Variants in PIP5K1C observed in about 807,000 individuals in gnomAD.
The protein encoded by PIP5K1C is phosphatidylinositol 4-phosphate 5-kinase type-1 gamma.
PIP5K1C carries 45 observed loss-of-function variants against 80.1 expected under a neutral mutation model. The observed-to-expected ratio is 0.56, with a 90% CI of 0.44 to 0.72. PIP5K1C has a LOEUF of 0.72. Among genes scored for constraint, PIP5K1C ranks in the 30% least tolerant of loss-of-function variants. PIP5K1C has a pLI of 0.00. For synonymous variants in PIP5K1C, 498 were observed against 420.1 expected (o/e 1.19, Z -2.27); for missense variants, 753 against 954.6 (o/e 0.79, Z 2.78).
rs376236223 is a variant in PIP5K1C at position 3,653,132 on chromosome 19, A to G, written c.921+158T>C. ...TTTAGGTTAAGGCCATAAAAGCTTG[A>G]GCGCTTCTGGATCCCACACTGGGGT... On this transcript the variant is annotated intron_variant, in intron 7 of 17. Coordinates refer to ENST00000335312, the MANE Select transcript of PIP5K1C (RefSeq NM_012398.3). 1.6e-4 allele frequency among the ~76,000 whole-genome samples: 25 copies of G among 152,320 alleles called. No individual in the cohort carries two copies. In the East Asian group the frequency reaches 4.6e-3, roughly 28 times the overall value.
At chr19:3,665,166 G>A (rs1292072739) in intron 2 of PIP5K1C, among the ~76,000 whole-genome samples, 2 of 152,168 alleles carry the variant, frequency 1.3e-5, no homozygotes, top group African/African-American at 4.8e-5. Flanking sequence ...GGAGACCTCT[G>A]CCTCCTCAGG....
At position 3,644,263 on chromosome 19, in the gene PIP5K1C, G is replaced by A; in HGVS notation, c.1346-12C>T. 5.6e-6 allele frequency: 9 copies of A among 1,610,098 alleles called. No individual in the cohort carries two copies. Among genetic ancestry groups the A allele is most frequent in the Non-Finnish European group, 7.6e-6 (9 of 1,178,664 alleles). On this transcript the variant is annotated splice_polypyrimidine_tract_variant and intron_variant, in intron 11 of 17. Transcript: ENST00000335312. ...CGAGGACTTCAGGGCTGCAGGGAAG[G>A]GTGGGGGTTGGTGCTTGGGGTTGCT...
At chr19:3,689,630 G>A (rs1286404573) in intron 1 of PIP5K1C, among the ~76,000 whole-genome samples, 1 of 152,130 alleles carries the variant, frequency 6.6e-6, no homozygotes, top group Non-Finnish European at 1.5e-5. Context: ...GCCTGGACGA[G>A]AGGGCAAAAC....
rs1311914693 is a variant in PIP5K1C at position 3,643,132 on chromosome 19, T to C, written c.1649+111A>G. On this transcript the variant is annotated intron_variant, in intron 13 of 17. Transcript: ENST00000335312. ...GCAGTGTATGTACATCCACCGTACA[T>C]ACGATGCTCCACCCACATGCACAGC... 4 of 1,552,526 alleles carry C rather than the reference T, an allele frequency of 2.6e-6. No homozygotes were observed. The East Asian group carries it at 6.8e-5, about 26-fold the overall frequency.
At chr19:3,686,937 A>G (rs1196838604) in intron 1 of PIP5K1C, among the ~76,000 whole-genome samples, 72 of 152,230 alleles carry the variant, frequency 4.7e-4, no homozygotes, top group Non-Finnish European at 7.4e-5. Context: ...TCACACCGGT[A>G]ATCCCAGCAC....
Position 3,654,578 on chromosome 19 carries a change from G to A in PIP5K1C, c.622-989C>T, listed in dbSNP as rs528732843. Among the ~76,000 whole-genome samples, 16 of 152,370 alleles carry A rather than the reference G, an allele frequency of 1.1e-4. 1 individual carries two copies. In the East Asian group the frequency reaches 3.1e-3, roughly 29 times the overall value. ...TGCCTGTAATCCTAGCACTGTGGGAGGCCGAGGCGGGCGGATCACCTGAGG... is the reference window on the plus strand; with the variant it reads ...TGCCTGTAATCCTAGCACTGTGGGAAGCCGAGGCGGGCGGATCACCTGAGG... On this transcript the variant is annotated intron_variant, in intron 6 of 17. Transcript: ENST00000335312.
rs932630025 is a variant in PIP5K1C at position 3,697,422 on chromosome 19, G to A, written c.94+2875C>T. On this transcript the variant is annotated intron_variant, in intron 1 of 17. Transcript: ENST00000335312. ...TGGACCGGGGAGTACTCAGCCAGAC[G>A]GAGGAGGACCGAGCTGTACGGAGGA... is the stretch of plus-strand genomic sequence containing the variant. Among the ~76,000 whole-genome samples the A allele has an allele frequency of 4.2e-4, 61 of 146,638 alleles. 1 individual carries two copies. The highest frequency in any genetic ancestry group is 3.1e-3 in the South Asian group (14 of 4,532).
chr19:3,693,142 C>A (rs1447848916), intron 1 of PIP5K1C, among the ~76,000 whole-genome samples: 2 of 152,180 alleles, frequency 1.3e-5, no homozygotes, highest in African/African-American at 4.8e-5. Context: ...TTCCCCCAGG[C>A]TCCCAGCACC....
intron 1 of PIP5K1C, 79 bp from the exon 2 acceptor site, chr19:3,667,432 TC>T: frequency 3.2e-6 from 5 of 1,542,684 alleles, no homozygotes; most frequent in Non-Finnish European, 4.5e-6. Context: ...CGGCCCACCT[TC>T]TGGCGCCCCA....
intron 16 of PIP5K1C, chr19:3,638,082 C>A: frequency 7.0e-7 from 1 of 1,436,200 alleles, no homozygotes; most frequent in South Asian, 1.5e-5. Flanking sequence ...GCCTGGTGCC[C>A]GTGCCCAGCC....
chr19:3,664,731 G>A (rs2034952141), intron 3 of PIP5K1C, 91 bp downstream of exon 3: 2 of 1,097,818 alleles, frequency 1.8e-6, no homozygotes, highest in South Asian at 1.2e-5. Context: ...TTTGTGTCGG[G>A]GGCGATAGGC....
chr19:3,638,384 G>A (rs955450954), intron 16 of PIP5K1C, among the ~76,000 whole-genome samples: 2 of 152,104 alleles, frequency 1.3e-5, no homozygotes, highest in African/African-American at 2.4e-5. Context: ...GCCACTGCCC[G>A]GTCCCCCGGC....
At chr19:3,652,997 T>TG (rs902137316) in intron 7 of PIP5K1C, among the ~76,000 whole-genome samples, 1 of 152,246 alleles carries the variant, frequency 6.6e-6, no homozygotes, top group African/African-American at 2.4e-5. Flanking sequence ...CTTTGTGAGA[T>TG]GGGGTCTCAC....
At chr19:3,693,057 C>T (rs566571273) in intron 1 of PIP5K1C, among the ~76,000 whole-genome samples, 5 of 151,492 alleles carry the variant, frequency 3.3e-5, no homozygotes, top group African/African-American at 9.7e-5. Context: ...CACTGCGTTG[C>T]GTGTTTTGCT....
chr19:3,675,795 C>A (rs1020783826), intron 1 of PIP5K1C, among the ~76,000 whole-genome samples: 1 of 152,308 alleles, frequency 6.6e-6, no homozygotes, highest in South Asian at 2.1e-4. Flanking sequence ...CTGGGCACTG[C>A]AGGGTGCCGA....
At chr19:3,653,979 C>T (rs2034537748) in intron 6 of PIP5K1C, among the ~76,000 whole-genome samples, 1 of 152,194 alleles carries the variant, frequency 6.6e-6, no homozygotes, top group African/African-American at 2.4e-5. Flanking sequence ...TATGCACACA[C>T]AAACACATAC....
chr19:3,689,834 C>T (rs568653672), intron 1 of PIP5K1C, among the ~76,000 whole-genome samples: 4 of 152,100 alleles, frequency 2.6e-5, no homozygotes, highest in South Asian at 2.1e-4. Flanking sequence ...CACACACTAA[C>T]GTACACTCCC....
intron 3 of PIP5K1C, among the ~76,000 whole-genome samples, chr19:3,662,867 G>A (rs2034883468): frequency 6.8e-6 from 1 of 148,126 alleles, no homozygotes; most frequent in Admixed American, 6.7e-5. Context: ...CGCCGGCCCC[G>A]TTATTATTTT....
intron 1 of PIP5K1C, among the ~76,000 whole-genome samples, chr19:3,670,271 G>A (rs1214444136): frequency 6.6e-6 from 1 of 152,230 alleles, no homozygotes; most frequent in Non-Finnish European, 1.5e-5. Context: ...ACCTCAGCCT[G>A]CAACCGTATT....
Sources: allele counts gnomAD v4.1 joint callset (sites outside exome capture counted in the v4.1 genomes callset), GRCh38; gene constraint gnomAD v4.1.1; transcripts MANE v1.5; gene names NCBI Gene and HGNC (gene_info 2026-07-23, HGNC 2026-07-21).